NFATC3: variants seen among roughly 807,000 people sequenced by gnomAD.
NFATC3 encodes nuclear factor of activated T cells 3.
In NFATC3, 46 loss-of-function variants were observed where a neutral mutation model predicts 98.6. That is an observed-to-expected ratio of 0.47 (90% CI 0.37 to 0.60). The LOEUF is 0.60. NFATC3 is among the 20% of genes least tolerant of loss of function. NFATC3 has a pLI of 0.00. For missense variants in NFATC3, 1,256 were observed against 1,295.5 expected (o/e 0.97, Z 0.47); for synonymous variants, 512 against 472.2 (o/e 1.08, Z -1.09).
chr16:68,212,954 TG>T (rs2041474430), intron 9 of NFATC3, among the ~76,000 whole-genome samples: 1 of 144,876 alleles, frequency 6.9e-6, no homozygotes, highest in African/African-American at 2.6e-5. Context: ...CACGCCTGGC[TG>T]ATTTTTTTTT....
intron 1 of NFATC3, among the ~76,000 whole-genome samples, chr16:68,114,311 G>A (rs1287512321): frequency 3.3e-5 from 5 of 151,962 alleles, no homozygotes; most frequent in African/African-American, 7.3e-5. Context: ...CTCAGTTGAC[G>A]GAGCAGGATT....
intron 1 of NFATC3, among the ~76,000 whole-genome samples, chr16:68,104,762 C>T (rs965627656): frequency 9.3e-5 from 14 of 151,300 alleles, no homozygotes; most frequent in African/African-American, 3.4e-4. Context: ...TCACGCCATT[C>T]TCCTGCCTCA....
rs1280861088 is a variant in NFATC3 at position 68,122,989 on chromosome 16, G to A, written c.1106G>A (p.Arg369Gln). 19 of 1,613,988 alleles carry A rather than the reference G, an allele frequency of 1.2e-5. No homozygotes were observed. Among genetic ancestry groups the A allele is most frequent in the East Asian group, 4.5e-5 (2 of 44,888 alleles). The change falls in exon 2 of 10, where the codon CGG (arginine) becomes CAG (glutamine). Residue 369 changes from arginine (R) to glutamine (Q), a missense_variant. Physicochemically the swap from Arg to Gln is conservative, Grantham distance 43. Around this residue, in one of 3 missense-constraint regions of NFATC3, gnomAD observed 464 missense variants for 465.7 expected, o/e 1.00. Coordinates refer to ENST00000346183, the MANE Select transcript of NFATC3 (RefSeq NM_173165.3). Reference sequence around the variant, plus strand: ...GACCAAGGGAGTTTATCACCAGCCCGGGAGACTTCAATAGATGATGGCCTT... The same window carrying A: ...GACCAAGGGAGTTTATCACCAGCCCAGGAGACTTCAATAGATGATGGCCTT... Reference protein sequence around the residue: ...SDDQGSLSPARETSIDDGLGS... With the variant: ...SDDQGSLSPAQETSIDDGLGS...
intron 1 of NFATC3, among the ~76,000 whole-genome samples, chr16:68,090,341 G>A (rs59308483): frequency 4.9e-4 from 60 of 122,656 alleles, no homozygotes; most frequent in Non-Finnish European, 6.8e-4. Flanking sequence ...ACACACACAC[G>A]CACACACACA....
intron 3 of NFATC3, among the ~76,000 whole-genome samples, chr16:68,144,541 C>A (rs986375508): frequency 1.3e-5 from 2 of 152,082 alleles, no homozygotes; most frequent in Non-Finnish European, 2.9e-5. Context: ...CACAGTGGTT[C>A]ACCATGTTAT....
At chr16:68,199,315 C>G (rs978809715) in intron 9 of NFATC3, among the ~76,000 whole-genome samples, 4 of 149,212 alleles carry the variant, frequency 2.7e-5, no homozygotes, top group African/African-American at 9.8e-5. Context: ...GCTCCGCCTC[C>G]CGGGTTCACG....
At chr16:68,129,853 T>C (rs2037030412) in intron 3 of NFATC3, among the ~76,000 whole-genome samples, 1 of 152,004 alleles carries the variant, frequency 6.6e-6, no homozygotes, top group Admixed American at 6.6e-5. Flanking sequence ...AATTTTTTAA[T>C]GTATTTGTGG....
In NFATC3 at chr16:68,151,806, C is replaced by G. The variant is rs1420221226; in HGVS notation, c.1402-6063C>G. 5.3e-5 allele frequency among the ~76,000 whole-genome samples: 8 copies of G among 152,258 alleles called. No homozygotes were observed. In the East Asian group the frequency reaches 1.5e-3, roughly 29 times the overall value. ...ATTCTAAGTCGGGCACAGTGGCTCA[C>G]GCCTGTAATCCCAGCACTTTGGGAG... On this transcript the variant is annotated intron_variant, in intron 3 of 9. Transcript: ENST00000346183.
At chr16:68,155,774 C>CT (rs931050691) in intron 3 of NFATC3, among the ~76,000 whole-genome samples, 9 of 152,040 alleles carry the variant, frequency 5.9e-5, no homozygotes, top group African/African-American at 1.7e-4. Context: ...AGTCTCTAGA[C>CT]TTTTTTTATA....
intron 9 of NFATC3, chr16:68,225,685 C>T (rs997968509): frequency 6.6e-6 from 1 of 152,198 alleles, no homozygotes; most frequent in Admixed American, 6.5e-5. Context: ...TTAGCATAGA[C>T]TCTTTAGTTG....
chr16:68,114,819 T>G (rs1036233390), intron 1 of NFATC3, among the ~76,000 whole-genome samples: 1 of 152,166 alleles, frequency 6.6e-6, no homozygotes, highest in Non-Finnish European at 1.5e-5. Context: ...GTGATCCGCC[T>G]GCCTCTGCCT....
chr16:68,109,009 C>T (rs2035808529), intron 1 of NFATC3, among the ~76,000 whole-genome samples: 1 of 152,146 alleles, frequency 6.6e-6, no homozygotes, highest in Non-Finnish European at 1.5e-5. Flanking sequence ...AGGATCATGC[C>T]ATCTGCAAAC....
chr16:68,095,202 A>AT (rs540692637), intron 1 of NFATC3, among the ~76,000 whole-genome samples: 54 of 146,428 alleles, frequency 3.7e-4, no homozygotes, highest in South Asian at 6.5e-4. Context: ...CTTAAAAAAA[A>AT]TTTTTTTTTT....
At chr16:68,138,449 G>T in intron 3 of NFATC3, 3 of 1,215,232 alleles carry the variant, frequency 2.5e-6, no homozygotes, top group Non-Finnish European at 2.1e-6. Context: ...ATTCTCAGTG[G>T]TTTAAGACCA....
chr16:68,174,312 G>T, intron 5 of NFATC3, 62 bp from the exon 6 acceptor site: 1 of 1,236,264 alleles, frequency 8.1e-7, no homozygotes, highest in South Asian at 2.7e-5. Context: ...TGTCATTTAT[G>T]TATCAAAGAT....
chr16:68,183,826 G>A (rs2040048035), intron 8 of NFATC3, among the ~76,000 whole-genome samples: 1 of 151,842 alleles, frequency 6.6e-6, no homozygotes, highest in Non-Finnish European at 1.5e-5. Context: ...CAACATGGAT[G>A]GAAAAACTTC....
chr16:68,170,620 G>A (rs1297684981), intron 5 of NFATC3, among the ~76,000 whole-genome samples: 1 of 150,380 alleles, frequency 6.6e-6, no homozygotes, highest in Non-Finnish European at 1.5e-5. Flanking sequence ...AGCCTCCCAA[G>A]TAGCTGGGAT....
At position 68,226,411 on chromosome 16, in the gene NFATC3, C is replaced by T; in HGVS notation, c.3168C>T (p.Ser1056=). The T allele has an allele frequency of 6.4e-7, 1 of 1,570,550 alleles. No homozygotes were observed. Among genetic ancestry groups the T allele is most frequent in the Non-Finnish European group, 8.6e-7 (1 of 1,162,824 alleles). The change falls in exon 10 of 10, where the codon AGC becomes AGT. Residue 1056 remains serine (S), a synonymous_variant. Coordinates refer to ENST00000346183, the MANE Select transcript of NFATC3 (RefSeq NM_173165.3). The stretch of plus-strand genomic sequence containing the variant: ...CTGTTTCCCAAGGAGCAGGGGTGAG[C>T]AGGCAGGCTCCCCTCCCGAGTCCTG... ...QISVSQGAGV[S]RQAPLPSPES...
At chr16:68,114,472 G>T (rs988688656) in intron 1 of NFATC3, among the ~76,000 whole-genome samples, 5 of 152,028 alleles carry the variant, frequency 3.3e-5, no homozygotes, top group African/African-American at 1.2e-4. Flanking sequence ...ATTCATGGAG[G>T]CTAATTGTTT....
Sources: gnomAD v4.1 joint callset for allele counts (sites outside exome capture counted in the v4.1 genomes callset) on GRCh38, gnomAD v4.1.1 for gene constraint, gnomAD v4.1.1 regional missense constraint, MANE v1.5 for transcripts, NCBI Gene and HGNC (gene_info 2026-07-23, HGNC 2026-07-21) for gene names.